Variants in CA10 observed in about 807,000 individuals in gnomAD.
The protein encoded by CA10 is carbonic anhydrase-related protein 10.
Under a neutral mutation model 44.2 loss-of-function variants are expected in CA10, and 14 were observed. That is an observed-to-expected ratio of 0.32 (90% CI 0.21 to 0.50). CA10 has a LOEUF of 0.50. Ranked by LOEUF, CA10 falls within the 20% of genes least tolerant of loss-of-function variation. The pLI is 0.99. For missense variants in CA10, 350 were observed against 409.7 expected, an observed-to-expected ratio of 0.85 and a Z score of 1.26; for synonymous variants, 159 against 141.6, an observed-to-expected ratio of 1.12 and a Z score of -0.87.
chr17:51,731,874 C>T (rs1916736997), intron 4 of CA10, among the ~76,000 whole-genome samples: 1 of 151,916 alleles, frequency 6.6e-6, no homozygotes, highest in South Asian at 2.1e-4. Context: ...AGGGTTTCAA[C>T]ATGTTGGCCA....
chr17:51,751,052 C>T (rs1904873728), intron 3 of CA10, among the ~76,000 whole-genome samples: 1 of 152,178 alleles, frequency 6.6e-6, no homozygotes, highest in East Asian at 1.9e-4. Flanking sequence ...TTTCTTGAAG[C>T]TTCAGTTTTC....
intron 3 of CA10, among the ~76,000 whole-genome samples, chr17:51,854,539 G>A (rs1261526289): frequency 6.6e-6 from 1 of 152,172 alleles, no homozygotes; most frequent in African/African-American, 2.4e-5. Context: ...TGGATGAAGA[G>A]ATGAGATGGC....
chr17:51,880,257 G>A (rs890210979), intron 3 of CA10, among the ~76,000 whole-genome samples: 11 of 152,122 alleles, frequency 7.2e-5, no homozygotes, highest in African/African-American at 2.7e-4. Flanking sequence ...GTGTGGTACT[G>A]AGTAGATTGG....
chr17:51,911,421 A>G (rs1981786223), intron 3 of CA10, among the ~76,000 whole-genome samples: 1 of 152,196 alleles, frequency 6.6e-6, no homozygotes, highest in African/African-American at 2.4e-5. Flanking sequence ...TGAATGAGCA[A>G]ATGAAGAGTT....
chr17:51,645,994 T>C (rs1368775856), intron 6 of CA10, among the ~76,000 whole-genome samples: 2 of 152,188 alleles, frequency 1.3e-5, no homozygotes, highest in Admixed American at 6.5e-5. Context: ...CTGGATATCA[T>C]CTTGATCCTA....
chr17:51,664,979 A>G (rs1441091645), intron 4 of CA10, among the ~76,000 whole-genome samples: 1 of 152,278 alleles, frequency 6.6e-6, no homozygotes. Flanking sequence ...TGGAGGAAGG[A>G]AAGACTGAAT....
chr17:51,747,458 T>C (rs768209436), intron 4 of CA10, among the ~76,000 whole-genome samples, 175 bp downstream of exon 4: 5 of 152,242 alleles, frequency 3.3e-5, no homozygotes, highest in Non-Finnish European at 7.3e-5. Flanking sequence ...TACTAGAAGC[T>C]TGTTATTGAC....
At chr17:51,916,936 A>T (rs1205487778) in intron 3 of CA10, among the ~76,000 whole-genome samples, 1 of 152,090 alleles carries the variant, frequency 6.6e-6, no homozygotes, top group Non-Finnish European at 1.5e-5. Flanking sequence ...AACTAATCTG[A>T]GGCTTTCTTT....
intron 2 of CA10, among the ~76,000 whole-genome samples, chr17:52,053,225 T>C (rs902080028): frequency 6.6e-6 from 1 of 152,094 alleles, no homozygotes; most frequent in Non-Finnish European, 1.5e-5. Context: ...TTTCTAACCC[T>C]CTCATTAAAA....
chr17:51,655,889 T>C (rs562830067), intron 4 of CA10, among the ~76,000 whole-genome samples: 6 of 152,364 alleles, frequency 3.9e-5, no homozygotes, highest in African/African-American at 1.2e-4. Context: ...GATGACTCTA[T>C]AGTAGCTACT....
chr17:51,713,022 C>T (rs1351133484), intron 4 of CA10, among the ~76,000 whole-genome samples: 1 of 152,198 alleles, frequency 6.6e-6, no homozygotes, highest in Non-Finnish European at 1.5e-5. Flanking sequence ...TGCTGGGAAG[C>T]TATCTCTGGT....
intron 2 of CA10, among the ~76,000 whole-genome samples, chr17:52,028,972 C>G (rs529295197): frequency 1.3e-5 from 2 of 152,328 alleles, no homozygotes; most frequent in African/African-American, 4.8e-5. Flanking sequence ...ATTACATTCC[C>G]TTTCCAACAT....
intron 4 of CA10, among the ~76,000 whole-genome samples, chr17:51,697,079 C>T (rs1263960): frequency 0.47 from 69,894 of 149,966 alleles, 16,847 homozygotes; most frequent in African/African-American, 0.59. Flanking sequence ...AATAATGCAA[C>T]GTAATGAAAA....
chr17:51,641,760 C>G (rs971967), intron 6 of CA10, among the ~76,000 whole-genome samples: 64,551 of 151,678 alleles, frequency 0.43, 14,418 homozygotes, highest in Non-Finnish European at 0.48. Context: ...TTGGGGGAGT[C>G]GGGGGAAACT....
At chr17:51,947,224 CAAAAAAAAAAAAA>C (rs1198796736) in intron 2 of CA10, among the ~76,000 whole-genome samples, 1 of 52,136 alleles carries the variant, frequency 1.9e-5, no homozygotes, top group African/African-American at 7.4e-5. Flanking sequence ...TCTTCATGTG[CAAAAAAAAAAAAA>C]AAAAAAAAAA....
intron 3 of CA10, among the ~76,000 whole-genome samples, chr17:51,811,823 T>C (rs1907378975): frequency 6.6e-6 from 1 of 152,238 alleles, no homozygotes; most frequent in African/African-American, 2.4e-5. Context: ...GTTTTAACCC[T>C]GCTGCATTCT....
At chr17:51,705,617 T>C (rs1915739755) in intron 4 of CA10, among the ~76,000 whole-genome samples, 1 of 151,928 alleles carries the variant, frequency 6.6e-6, no homozygotes, top group South Asian at 2.1e-4. Context: ...TTGGGGTAAT[T>C]CACTTGAAAA....
At chr17:52,088,043 T>C (rs188124043) in intron 1 of CA10, among the ~76,000 whole-genome samples, 12 of 152,150 alleles carry the variant, frequency 7.9e-5, no homozygotes, top group African/African-American at 2.2e-4. Flanking sequence ...CATGGACACA[T>C]AGCAGGGAAC....
At chr17:52,008,498 T>C (rs978028133) in intron 2 of CA10, among the ~76,000 whole-genome samples, 2 of 151,842 alleles carry the variant, frequency 1.3e-5, no homozygotes, top group African/African-American at 4.8e-5. Context: ...ATTGGTTAAG[T>C]ATGTTAATTT....
Sources: gnomAD v4.1 joint callset for allele counts (sites outside exome capture counted in the v4.1 genomes callset) on GRCh38, gnomAD v4.1.1 for gene constraint, MANE v1.5 for transcripts, NCBI Gene and HGNC (gene_info 2026-07-23, HGNC 2026-07-21) for gene names.